Variants in LIPH observed in about 807,000 individuals in gnomAD.
The protein encoded by LIPH is lipase member H.
A neutral mutation model predicts 47.6 loss-of-function variants in LIPH; 32 were observed. The observed-to-expected ratio is 0.67, with a 90% confidence interval of 0.51 to 0.90. LIPH has a LOEUF of 0.90. Ranked by LOEUF, LIPH falls within the 40% of genes least tolerant of loss-of-function variation. LIPH has a pLI of 0.00. For synonymous variants in LIPH, 190 were observed against 195.6 expected (o/e 0.97, Z 0.24); for missense variants, 497 against 541.4 (o/e 0.92, Z 0.81).
At chr3:185,543,155 G>A (rs922248959) in intron 1 of LIPH, among the ~76,000 whole-genome samples, 9 of 152,128 alleles carry the variant, frequency 5.9e-5, no homozygotes, top group African/African-American at 2.2e-4. Context: ...GTCGCAGTGA[G>A]CTGAGATCAT....
intron 5 of LIPH, among the ~76,000 whole-genome samples, chr3:185,520,995 G>A (rs56191117): frequency 0.33 from 50,147 of 150,748 alleles, 8,995 homozygotes; most frequent in Non-Finnish European, 0.4. Context: ...TCAGCCTCCC[G>A]AGTAGGTGAG....
intron 1 of LIPH, among the ~76,000 whole-genome samples, chr3:185,542,923 T>C (rs1720757096): frequency 6.6e-6 from 1 of 151,812 alleles, no homozygotes; most frequent in Non-Finnish European, 1.5e-5. Flanking sequence ...ATAATATATC[T>C]AGGGCTGGGC....
intron 4 of LIPH, among the ~76,000 whole-genome samples, chr3:185,524,740 C>A (rs747059474): frequency 6.6e-6 from 1 of 152,150 alleles, no homozygotes; most frequent in Non-Finnish European, 1.5e-5. Flanking sequence ...TGAGCCATTG[C>A]GCCTGGCCCC....
In LIPH at chr3:185,511,587, A is replaced by C; in HGVS notation, c.1205T>G (p.Ile402Arg). ...AATCCTGAGCTTGTACCTTGGGCCT[A>C]TTAGAGATCCTGTAGAGAACATCAA... ...ISLMFSTGSL[I>R]GPRYKLRILR... Residue 402 changes from isoleucine (I) to arginine (R), a missense_variant, in exon 9 of 10, where the codon ATA becomes AGA. By Grantham distance (97) the Ile-to-Arg change is moderately conservative. Transcript: ENST00000296252. The C allele has an allele frequency of 1.2e-6, 2 of 1,614,140 alleles. No homozygotes were observed. The highest frequency in any genetic ancestry group is 1.7e-6 in the Non-Finnish European group (2 of 1,179,968).
chr3:185,511,055 T>C (rs1054503612), intron 9 of LIPH, among the ~76,000 whole-genome samples: 1 of 152,088 alleles, frequency 6.6e-6, no homozygotes, highest in Non-Finnish European at 1.5e-5. Flanking sequence ...TTTTAAAATT[T>C]TTTATTTAAT....
In LIPH at chr3:185,514,459, T is replaced by C. The variant is rs764139763; in HGVS notation, c.1045A>G (p.Ile349Val). 1.9e-6 allele frequency: 3 copies of C among 1,590,190 alleles called. No individual in the cohort carries two copies. The highest frequency in any genetic ancestry group is 1.7e-5 in the Admixed American group (1 of 59,988). Residue 349 changes from isoleucine to valine, a missense_variant, in exon 8 of 10, where the codon ATC becomes GTC. By Grantham distance (29) the Ile-to-Val change is conservative (BLOSUM62 3). Coordinates refer to ENST00000296252, the MANE Select transcript of LIPH (RefSeq NM_139248.3). ...TTTCCAGCTTTGTCTCTCAATTTGATGGTAATGTCCCCTCTTCTTACATTC... is the reference window on the plus strand; with the variant it reads ...TTTCCAGCTTTGTCTCTCAATTTGACGGTAATGTCCCCTCTTCTTACATTC... ...NKNVRRGDIT[I>V]KLRDKAGNTT...
In LIPH at chr3:185,506,848, A is replaced by T. The variant is rs1038346989; in HGVS notation, c.*1942T>A. On this transcript the variant is annotated 3_prime_UTR_variant, in exon 10 of 10. Coordinates refer to ENST00000296252, the MANE Select transcript of LIPH (RefSeq NM_139248.3). ...CTCCATCTAAAAAAAAAAAAAAAAA[A>T]AAAAAAAAAAAACCAGGGCCTACAG... 1.3e-5 allele frequency: 2 copies of T among 149,988 alleles called. No individual in the cohort carries two copies. The highest frequency in any genetic ancestry group is 4.9e-5 in the African/African-American group (2 of 40,504). 9.3% of individuals were successfully genotyped at this position (149,988 alleles called of 1,614,324 possible).
At position 185,521,162 on chromosome 3, in the gene LIPH, C is replaced by T. The variant is rs1577670215; in HGVS notation, c.719-1853G>A. On this transcript the variant is annotated intron_variant, in intron 5 of 9. Transcript: ENST00000296252. ...GGATTTCAGGCATGAGCCACCATAC[C>T]CGACTGAGTACTAGCTTCTATCTTG... Among the ~76,000 whole-genome samples the T allele has an allele frequency of 2.0e-5, 3 of 152,276 alleles. No individual in the cohort carries two copies. The East Asian group carries it at 5.8e-4, about 29-fold the overall frequency.
chr3:185,539,185 T>C (rs1220339785), intron 1 of LIPH, among the ~76,000 whole-genome samples: 2 of 151,702 alleles, frequency 1.3e-5, no homozygotes, highest in African/African-American at 4.8e-5. Flanking sequence ...GCCAGGATGG[T>C]CTCAATCTCT....
intron 1 of LIPH, among the ~76,000 whole-genome samples, chr3:185,545,889 C>T (rs962714473): frequency 6.6e-6 from 1 of 152,100 alleles, no homozygotes; most frequent in Non-Finnish European, 1.5e-5. Flanking sequence ...GGCACAGTGG[C>T]TTACGCCTGT....
At chr3:185,551,089 G>A (rs1013323798) in intron 1 of LIPH, among the ~76,000 whole-genome samples, 15 of 152,006 alleles carry the variant, frequency 9.9e-5, no homozygotes, top group Admixed American at 7.2e-4. Context: ...CAGGAGAATC[G>A]CGTGAACCAG....
chr3:185,525,330 G>A (rs373072680), intron 4 of LIPH, among the ~76,000 whole-genome samples: 1 of 151,890 alleles, frequency 6.6e-6, no homozygotes, highest in Admixed American at 6.6e-5. Context: ...TTTAATGTAG[G>A]TGTACATACA....
intron 2 of LIPH, 82 bp from the exon 3 acceptor site, chr3:185,533,761 T>C: frequency 1.1e-6 from 1 of 902,666 alleles, no homozygotes; most frequent in Non-Finnish European, 1.9e-6. Flanking sequence ...GCTGTTGACT[T>C]TGGAGAAGTA....
At chr3:185,528,488 C>A (rs2148955598) in intron 3 of LIPH, among the ~76,000 whole-genome samples, 1 of 152,160 alleles carries the variant, frequency 6.6e-6, no homozygotes, top group Middle Eastern at 3.4e-3. Flanking sequence ...ATGTTGCAAA[C>A]CTGTAAGGGA....
rs1719990884 is a variant in LIPH at position 185,524,116 on chromosome 3, T to C, written c.673A>G (p.Asn225Asp). The C allele has an allele frequency of 6.2e-7, 1 of 1,613,804 alleles. No homozygotes were observed. Among genetic ancestry groups the C allele is most frequent in the Non-Finnish European group, 8.5e-7 (1 of 1,179,702 alleles). The change falls in exon 5 of 10, where the codon AAT becomes GAT. Residue 225 changes from asparagine to aspartate, a missense_variant. Physicochemically the swap from Asn to Asp is conservative, Grantham distance 23. Transcript: ENST00000296252. ...CAGCCAGGTTGATCCAATCCTCCAT[T>C]TGGGTAGAAGTCTATGTTTCCTAAT... ...EPLGNIDFYP[N>D]GGLDQPGCPK...
At chr3:185,547,346 G>A (rs1720907601) in intron 1 of LIPH, among the ~76,000 whole-genome samples, 1 of 152,094 alleles carries the variant, frequency 6.6e-6, no homozygotes, top group Admixed American at 6.6e-5. Flanking sequence ...TGCCCAGTCA[G>A]GAAGTAAAAC....
rs149975210 is a variant in LIPH at position 185,550,115 on chromosome 3, T to C, written c.49+2308A>G. Among the ~76,000 whole-genome samples the C allele has an allele frequency of 1.9e-4, 29 of 152,294 alleles. 3 individuals are homozygous for C. Among genetic ancestry groups the C allele is most frequent in the African/African-American group, 7.0e-4 (29 of 41,572 alleles). ...TTGGGATTTCTGAAGCCCATTTTAA[T>C]GCTTGTTAATTTTTGAACTGCAAGC... On this transcript the variant is annotated intron_variant, in intron 1 of 9. Transcript: ENST00000296252.
chr3:185,538,427 T>C (rs899979904), intron 1 of LIPH, among the ~76,000 whole-genome samples: 2 of 152,162 alleles, frequency 1.3e-5, no homozygotes, highest in African/African-American at 4.8e-5. Flanking sequence ...AAAACTTAAA[T>C]AGGGAGCTTG....
At chr3:185,509,388 G>A (rs1719484033) in intron 9 of LIPH, among the ~76,000 whole-genome samples, 1 of 151,168 alleles carries the variant, frequency 6.6e-6, no homozygotes, top group Admixed American at 6.6e-5. Context: ...CAGCACTTTG[G>A]GAGGCCAAGG....
Sources: gnomAD v4.1 joint callset for allele counts (sites outside exome capture counted in the v4.1 genomes callset) on GRCh38, gnomAD v4.1.1 for gene constraint, MANE v1.5 for transcripts, NCBI Gene and HGNC (gene_info 2026-07-23, HGNC 2026-07-21) for gene names.